STXBP5L: variants seen among roughly 807,000 people sequenced by gnomAD.
The protein encoded by STXBP5L is syntaxin-binding protein 5-like.
In STXBP5L, 65 loss-of-function variants were observed where a neutral mutation model predicts 144.5. The ratio of observed to expected loss-of-function variants is 0.45; its 90% CI spans 0.37 to 0.55. The LOEUF (loss-of-function observed/expected upper bound fraction) is 0.55, where lower values mean the gene tolerates loss of function less well. STXBP5L is among the 20% of genes least tolerant of loss of function. The pLI, the probability that STXBP5L is intolerant of heterozygous loss-of-function variation, is 0.00. For synonymous variants in STXBP5L, 505 were observed against 469.6 expected (o/e 1.08, Z -0.97); for missense variants, 1,298 against 1,405.5 (o/e 0.92, Z 1.22).
intron 19 of STXBP5L, among the ~76,000 whole-genome samples, chr3:121,309,272 T>A (rs2043446630): frequency 6.6e-6 from 1 of 152,020 alleles, no homozygotes; most frequent in South Asian, 2.1e-4. Context: ...ATTTTAGATT[T>A]AAAGGTGTAA....
chr3:120,999,070 A>G (rs1943570418), intron 3 of STXBP5L, among the ~76,000 whole-genome samples: 1 of 151,940 alleles, frequency 6.6e-6, no homozygotes, highest in African/African-American at 2.4e-5. Context: ...CTATGGTCTG[A>G]GTGATGGAGT....
chr3:121,260,258 G>A (rs979937225), intron 18 of STXBP5L, among the ~76,000 whole-genome samples: 35 of 152,152 alleles, frequency 2.3e-4, no homozygotes, highest in African/African-American at 8.4e-4. Flanking sequence ...CCATTTGTCT[G>A]TAAAGTTGTT....
At chr3:120,913,671 A>C (rs1335236329) in intron 2 of STXBP5L, among the ~76,000 whole-genome samples, 2 of 152,016 alleles carry the variant, frequency 1.3e-5, no homozygotes, top group Non-Finnish European at 2.9e-5. Flanking sequence ...TTCCAAATTC[A>C]TATCTACAAC....
chr3:121,044,488 T>C (rs1947374173), intron 4 of STXBP5L, among the ~76,000 whole-genome samples: 1 of 152,144 alleles, frequency 6.6e-6, no homozygotes, highest in South Asian at 2.1e-4. Context: ...GAGAGATTAC[T>C]TCTAACAAAG....
intron 5 of STXBP5L, among the ~76,000 whole-genome samples, chr3:121,101,879 A>G (rs2043444005): frequency 6.6e-6 from 1 of 152,088 alleles, no homozygotes; most frequent in African/African-American, 2.4e-5. Context: ...AGTTCAGTAA[A>G]GTTTCCGGAT....
intron 5 of STXBP5L, among the ~76,000 whole-genome samples, chr3:121,050,340 T>C (rs896062877): frequency 6.6e-6 from 1 of 152,176 alleles, no homozygotes; most frequent in Non-Finnish European, 1.5e-5. Context: ...TATTTTAGTT[T>C]AAAATAAGTA....
At chr3:120,928,767 G>GA (rs1322257463) in intron 2 of STXBP5L, among the ~76,000 whole-genome samples, 1 of 151,864 alleles carries the variant, frequency 6.6e-6, no homozygotes, top group Admixed American at 6.6e-5. Flanking sequence ...TAGGTAGAGA[G>GA]AAAAAAACTT....
chr3:121,207,685 C>T (rs1217990592), intron 10 of STXBP5L, among the ~76,000 whole-genome samples: 1 of 152,290 alleles, frequency 6.6e-6, no homozygotes, highest in African/African-American at 2.4e-5. Flanking sequence ...CATGAACAGA[C>T]ATTTCTCAAA....
At chr3:121,416,150 C>CA (rs71133533) in intron 25 of STXBP5L, among the ~76,000 whole-genome samples, 182 bp downstream of exon 25, 116,303 of 151,440 alleles carry the variant, frequency 0.77, 44,661 homozygotes, top group East Asian at 0.89. Context: ...TTCCATTTAC[C>CA]AACATGGAAA....
chr3:121,419,127 A>C lies in STXBP5L; in HGVS notation c.*30A>C. The stretch of plus-strand genomic sequence containing the variant: ...TAAAGAAGCTGTGACTGCTTTGAGA[A>C]ACCATATTCAGGGAAACCAAATTTA... On this transcript the variant is annotated 3_prime_UTR_variant, in exon 27 of 27. Coordinates refer to ENST00000471454, the MANE Select transcript of STXBP5L (RefSeq NM_001308330.2). 1 of 1,605,572 alleles carries C rather than the reference A, an allele frequency of 6.2e-7. No homozygotes were observed. The highest frequency in any genetic ancestry group is 8.5e-7 in the Non-Finnish European group (1 of 1,176,328).
chr3:121,133,824 A>T (rs1378753878), intron 7 of STXBP5L, among the ~76,000 whole-genome samples: 1 of 152,184 alleles, frequency 6.6e-6, no homozygotes, highest in Non-Finnish European at 1.5e-5. Flanking sequence ...GAAGCAAGGC[A>T]TGTCTTACAT....
At chr3:121,406,416 T>C (rs1163129171) in intron 22 of STXBP5L, among the ~76,000 whole-genome samples, 4 of 152,088 alleles carry the variant, frequency 2.6e-5, no homozygotes, top group South Asian at 2.1e-4. Context: ...CTCTGCATGA[T>C]GTAAAAGGAC....
At chr3:120,970,554 G>C (rs1323860469) in intron 3 of STXBP5L, among the ~76,000 whole-genome samples, 1 of 152,028 alleles carries the variant, frequency 6.6e-6, no homozygotes, top group East Asian at 1.9e-4. Flanking sequence ...CTGTATTCAG[G>C]ATGCTGTTCA....
intron 7 of STXBP5L, among the ~76,000 whole-genome samples, chr3:121,145,682 G>A (rs2045687889): frequency 6.6e-6 from 1 of 152,000 alleles, no homozygotes; most frequent in Non-Finnish European, 1.5e-5. Flanking sequence ...ACTTCTTGCA[G>A]TGTAATATAT....
intron 5 of STXBP5L, among the ~76,000 whole-genome samples, chr3:121,113,670 TTC>T: frequency 7.0e-6 from 1 of 143,188 alleles, no homozygotes. Context: ...TTTTTTCTTT[TTC>T]TTTTTTTTTT....
chr3:121,231,866 A>G (rs1577264259), intron 11 of STXBP5L, among the ~76,000 whole-genome samples: 2 of 152,312 alleles, frequency 1.3e-5, no homozygotes, highest in South Asian at 2.1e-4. Context: ...CAGAATACAA[A>G]CAGAAACAGA....
intron 22 of STXBP5L, among the ~76,000 whole-genome samples, chr3:121,396,808 G>T (rs532427173): frequency 6.6e-6 from 1 of 152,232 alleles, no homozygotes; most frequent in South Asian, 2.1e-4. Context: ...TCCTGGAAGA[G>T]GTATATGAGC....
chr3:121,063,203 C>T (rs924926187), intron 5 of STXBP5L, among the ~76,000 whole-genome samples: 3 of 152,142 alleles, frequency 2.0e-5, no homozygotes, highest in African/African-American at 7.2e-5. Context: ...GTGTGGATAT[C>T]CTTTTTGTTG....
intron 2 of STXBP5L, among the ~76,000 whole-genome samples, chr3:120,915,120 T>C (rs1709043779): frequency 6.6e-6 from 1 of 152,166 alleles, no homozygotes; most frequent in South Asian, 2.1e-4. Context: ...GGTTCTTAAA[T>C]GTTCTTAAAA....
Sources: gnomAD v4.1 joint callset for allele counts (sites outside exome capture counted in the v4.1 genomes callset) on GRCh38, gnomAD v4.1.1 for gene constraint, MANE v1.5 for transcripts, NCBI Gene and HGNC (gene_info 2026-07-23, HGNC 2026-07-21) for gene names.